ANKS1B: variants seen among roughly 807,000 people sequenced by gnomAD.
ANKS1B encodes ankyrin repeat and sterile alpha motif domain containing 1B.
ANKS1B carries 36 observed loss-of-function variants against 148.3 expected under a neutral mutation model. The observed-to-expected ratio is 0.24, with a 90% CI of 0.19 to 0.32. The LOEUF is 0.32. Ranked by LOEUF, ANKS1B falls within the 10% of genes least tolerant of loss-of-function variation. ANKS1B has a pLI of 1.00. For synonymous variants in ANKS1B, 542 were observed against 560.8 expected (o/e 0.97, Z 0.47); for missense variants, 1,157 against 1,542.6 (o/e 0.75, Z 4.19).
chr12:99,546,138 G>A (rs1408656677), intron 9 of ANKS1B, among the ~76,000 whole-genome samples: 1 of 152,110 alleles, frequency 6.6e-6, no homozygotes, highest in African/African-American at 2.4e-5. Context: ...GGCACATAGT[G>A]ACAGTCAATA....
intron 9 of ANKS1B, among the ~76,000 whole-genome samples, chr12:99,506,218 C>T (rs950747131): frequency 3.9e-5 from 6 of 151,924 alleles, no homozygotes; most frequent in Admixed American, 2.6e-4. Context: ...TAAAGTATGC[C>T]TCACAATCAA....
At chr12:99,650,621 G>A (rs546233502) in intron 9 of ANKS1B, among the ~76,000 whole-genome samples, 14 of 152,098 alleles carry the variant, frequency 9.2e-5, no homozygotes, top group Admixed American at 1.3e-4. Context: ...ATCCCCTGAC[G>A]CTATTTAGAA....
intron 12 of ANKS1B, among the ~76,000 whole-genome samples, chr12:99,347,702 G>T (rs2090902507): frequency 1.3e-5 from 2 of 151,864 alleles, no homozygotes; most frequent in African/African-American, 2.4e-5. Flanking sequence ...TACAACCCAA[G>T]ACAAGTAGCA....
chr12:99,008,260 G>A (rs955587132), intron 17 of ANKS1B, among the ~76,000 whole-genome samples: 11 of 151,944 alleles, frequency 7.2e-5, no homozygotes, highest in Admixed American at 3.3e-4. Context: ...AGAAAGCATC[G>A]AGATGTTTCT....
chr12:98,854,741 G>A (rs2099552960), intron 17 of ANKS1B, among the ~76,000 whole-genome samples: 1 of 152,222 alleles, frequency 6.6e-6, no homozygotes, highest in Non-Finnish European at 1.5e-5. Flanking sequence ...GAGATGGGGT[G>A]TATTTTCCAT....
chr12:99,159,274 C>T (rs577336361), intron 14 of ANKS1B, among the ~76,000 whole-genome samples: 31 of 152,228 alleles, frequency 2.0e-4, no homozygotes, highest in African/African-American at 7.2e-4. Flanking sequence ...AGGTTTGCCA[C>T]GTGCGTATAT....
At chr12:99,625,814 A>C (rs1278653950) in intron 9 of ANKS1B, among the ~76,000 whole-genome samples, 3 of 152,152 alleles carry the variant, frequency 2.0e-5, no homozygotes, top group African/African-American at 4.8e-5. Flanking sequence ...GAGAGTAGTA[A>C]GAAAAGAAAT....
chr12:99,978,677 G>A (rs1202839897), intron 1 of ANKS1B, among the ~76,000 whole-genome samples: 1 of 152,122 alleles, frequency 6.6e-6, no homozygotes, highest in East Asian at 1.9e-4. Flanking sequence ...GAAAATTACA[G>A]TACTTCCTAG....
At chr12:99,712,102 C>T (rs537544969) in intron 8 of ANKS1B, among the ~76,000 whole-genome samples, 38 of 152,222 alleles carry the variant, frequency 2.5e-4, no homozygotes, top group African/African-American at 8.9e-4. Flanking sequence ...GAACAGAAAA[C>T]CAAACATTGC....
At chr12:99,231,717 C>T (rs1286376399) in intron 14 of ANKS1B, among the ~76,000 whole-genome samples, 1 of 152,004 alleles carries the variant, frequency 6.6e-6, no homozygotes, top group Non-Finnish European at 1.5e-5. Context: ...TAGCTATCAG[C>T]TGCACTGGTG....
At chr12:99,605,412 G>A (rs922099044) in intron 9 of ANKS1B, among the ~76,000 whole-genome samples, 2 of 151,736 alleles carry the variant, frequency 1.3e-5, no homozygotes, top group Non-Finnish European at 2.9e-5. Context: ...ACTGTGCAAT[G>A]GAATACTGGA....
At chr12:99,573,139 A>G (rs2097479279) in intron 9 of ANKS1B, among the ~76,000 whole-genome samples, 1 of 152,040 alleles carries the variant, frequency 6.6e-6, no homozygotes, top group South Asian at 2.1e-4. Flanking sequence ...CATAATAGAA[A>G]TGGAAAATGT....
chr12:99,781,953 C>T, intron 5 of ANKS1B, 69 bp downstream of exon 5: 1 of 1,343,380 alleles, frequency 7.4e-7, no homozygotes, highest in African/African-American at 1.5e-5. Flanking sequence ...GTGTCATTTT[C>T]CTTTGTCTAT....
At chr12:98,940,789 T>C (rs2099835499) in intron 17 of ANKS1B, among the ~76,000 whole-genome samples, 1 of 152,156 alleles carries the variant, frequency 6.6e-6, no homozygotes, top group African/African-American at 2.4e-5. Flanking sequence ...GGAAATAACC[T>C]AGAGTCTAGC....
chr12:99,630,356 AG>A (rs1173161263), intron 9 of ANKS1B, among the ~76,000 whole-genome samples: 2 of 152,182 alleles, frequency 1.3e-5, no homozygotes, highest in African/African-American at 4.8e-5. Flanking sequence ...CCATGGGAGA[AG>A]GGGACTGGTC....
intron 9 of ANKS1B, among the ~76,000 whole-genome samples, chr12:99,596,477 A>G (rs1282523101): frequency 1.3e-5 from 2 of 151,878 alleles, no homozygotes; most frequent in African/African-American, 4.8e-5. Context: ...ATCTTAACTA[A>G]TTATACCTGC....
intron 14 of ANKS1B, among the ~76,000 whole-genome samples, chr12:99,157,790 T>C (rs2076229358): frequency 6.6e-6 from 1 of 152,180 alleles, no homozygotes; most frequent in African/African-American, 2.4e-5. Context: ...TCTGCACTTG[T>C]ACCTCTTAGA....
chr12:98,826,806 G>C (rs2099252317), intron 19 of ANKS1B, among the ~76,000 whole-genome samples: 1 of 152,152 alleles, frequency 6.6e-6, no homozygotes, highest in Non-Finnish European at 1.5e-5. Context: ...ATAACTGGCT[G>C]CTTGCTTGCA....
At chr12:99,275,363 T>A (rs1280900824) in intron 12 of ANKS1B, among the ~76,000 whole-genome samples, 1 of 152,206 alleles carries the variant, frequency 6.6e-6, no homozygotes, top group African/African-American at 2.4e-5. Flanking sequence ...CAGCCTCTGA[T>A]AACCTTCATT....
Sources: allele counts gnomAD v4.1 joint callset (sites outside exome capture counted in the v4.1 genomes callset), GRCh38; gene constraint gnomAD v4.1.1; transcripts MANE v1.5; gene names NCBI Gene and HGNC (gene_info 2026-07-23, HGNC 2026-07-21).